The following COL6A2 variants were observed in gnomAD, a reference collection of about 807,000 sequenced individuals.
COL6A2 encodes the protein collagen type VI alpha 2 chain.
A neutral mutation model predicts 124.9 loss-of-function variants in COL6A2; 90 were observed. The observed-to-expected ratio is 0.72, with a 90% CI of 0.61 to 0.86. The LOEUF (loss-of-function observed/expected upper bound fraction) is 0.86. Among genes scored for constraint, COL6A2 ranks in the 40% least tolerant of loss-of-function variants. The pLI is 0.00. For missense variants in COL6A2, 1,607 were observed against 1,502.5 expected, an observed-to-expected ratio of 1.07 and a Z score of -1.15; for synonymous variants, 793 against 618.2, an observed-to-expected ratio of 1.28 and a Z score of -4.19.
At chr21:46,126,649 C>T (rs182259491) in intron 27 of COL6A2, 108 bp downstream of exon 27, 97 of 1,345,572 alleles carry the variant, frequency 7.2e-5, no homozygotes, top group South Asian at 3.6e-4. Flanking sequence ...ACCCGGGGGG[C>T]GGCGGAGCCA....
chr21:46,111,525 G>C lies in COL6A2; in HGVS notation c.49G>C (p.Ala17Pro). ...SVLLLWGILG[A>P]IQAQQQEVIS... is the part of the protein sequence containing the mutation. ...GCTCCTGCTCTGGGGAATCCTGGGG[G>C]CCATCCAGGCCCAGCAGCAGGAGGT... Residue 17 changes from alanine (A) to proline (P), a missense_variant, in exon 2 of 28, where the codon GCC (alanine) becomes CCC (proline). Transcript: ENST00000300527. The C allele has an allele frequency of 6.2e-7, 1 of 1,613,028 alleles. No individual in the cohort carries two copies. Among genetic ancestry groups the C allele is most frequent in the Non-Finnish European group, 8.5e-7 (1 of 1,179,946 alleles).
chr21:46,125,499 C>T lies in COL6A2; in HGVS notation c.1851C>T (p.Val617=). ...AGCGCTGTGGCGCCCTGGACGTGGT[C>T]TTCGTCATCGACAGCTCCGAGAGCA... ...CEKRCGALDV[V]FVIDSSESIG... The change falls in exon 25 of 28, where the codon GTC becomes GTT. Residue 617 remains valine, a synonymous_variant. Transcript: ENST00000300527. 1.9e-6 allele frequency: 3 copies of T among 1,612,964 alleles called. No individual in the cohort carries two copies. The highest frequency in any genetic ancestry group is 2.5e-6 in the Non-Finnish European group (3 of 1,179,968).
intron 4 of COL6A2, 81 bp from the exon 5 acceptor site, chr21:46,113,927 G>A: frequency 8.4e-7 from 1 of 1,184,240 alleles, no homozygotes; most frequent in Non-Finnish European, 1.3e-6. Flanking sequence ...AGAGTCGTGG[G>A]CTACACGTTC....
intron 1 of COL6A2, among the ~76,000 whole-genome samples, chr21:46,109,595 C>A (rs1394785043): frequency 6.6e-6 from 1 of 152,028 alleles, no homozygotes; most frequent in African/African-American, 2.4e-5. Flanking sequence ...ACCCTCAGCA[C>A]CCCCCCAAGC....
rs369396198 is a variant in COL6A2, at chr21:46,132,121, G to C, written c.2629G>C (p.Val877Leu). The C allele has an allele frequency of 7.6e-6, 12 of 1,581,824 alleles. No individual in the cohort carries two copies. Among genetic ancestry groups the C allele is most frequent in the Non-Finnish European group, 8.6e-6 (10 of 1,166,656 alleles). ...GGACGACGACCCTCTCAACGCACGC[G>C]TGGCGCTGCTGCAGTTTGGTGGCCC... ...RRDDDPLNAR[V>L]ALLQFGGPGE... The change falls in exon 28 of 28, where the codon GTG becomes CTG. Residue 877 changes from valine to leucine, a missense_variant. Physicochemically the swap from Val to Leu is conservative, Grantham distance 32. Transcript: ENST00000300527.
In COL6A2 at chr21:46,124,902, T is replaced by C. The variant is rs1422175519; in HGVS notation, c.1752T>C (p.Pro584=). The change falls in exon 23 of 28, where the codon CCT becomes CCC. Residue 584 remains proline (P), a synonymous_variant. Coordinates refer to ENST00000300527, the MANE Select transcript of COL6A2 (RefSeq NM_001849.4). ...VPGPEGEPGP[P]GDPGLTECDV... is the part of the protein sequence containing the mutation. ...TTCCCCAGGGTGAGCCCGGCCCCCC[T>C]GGAGACCCCGGTCTCACGGTAGGTG... 1.9e-6 allele frequency: 3 copies of C among 1,612,770 alleles called. No homozygotes were observed. Among genetic ancestry groups the C allele is most frequent in the East Asian group, 2.2e-5 (1 of 44,880 alleles).
At chr21:46,125,134 AC>A (rs2078640533) in intron 23 of COL6A2, 131 bp from the exon 24 acceptor site, 1 of 1,054,888 alleles carries the variant, frequency 9.5e-7, no homozygotes, top group African/African-American at 1.6e-5. Context: ...TAGGGACAGG[AC>A]CCGCCAGCCT....
Position 46,132,655 on chromosome 21 carries a change from G to T in COL6A2, c.*103G>T. The T allele has an allele frequency of 2.5e-6, 3 of 1,195,474 alleles. No individual in the cohort carries two copies. Among genetic ancestry groups the T allele is most frequent in the Non-Finnish European group, 3.6e-6 (3 of 839,482 alleles). The allele number at this position is 1,195,474 out of a possible 1,614,324, so 74.1% of individuals were successfully genotyped here. A position where few individuals can be genotyped will look rare whatever the true frequency, so the allele number is the denominator to read the frequency against. ...GGCCAGCACCGCTGCTCACTCGGAC[G>T]ACGCCCTGGGCCTGCACCTCTCCAG... On this transcript the variant is annotated 3_prime_UTR_variant, in exon 28 of 28. Coordinates refer to ENST00000300527, the MANE Select transcript of COL6A2 (RefSeq NM_001849.4).
rs2094767913 is a variant in COL6A2, at chr21:46,116,643, C to T, written c.928-8C>T. On this transcript the variant is annotated splice_polypyrimidine_tract_variant and splice_region_variant and intron_variant, in intron 8 of 27. Coordinates refer to ENST00000300527, the MANE Select transcript of COL6A2 (RefSeq NM_001849.4). The surrounding 1 kb of genome is among the most constrained non-coding windows in gnomAD (Gnocchi z 4.6). ...CGAGCTCACTGCGCCGGCTTTCCTC[C>T]TACACAGGGTGAATTTGGAGCCGAC... 1.9e-6 allele frequency: 3 copies of T among 1,613,036 alleles called. No homozygotes were observed. Among genetic ancestry groups the T allele is most frequent in the South Asian group, 1.1e-5 (1 of 91,088 alleles).
intron 1 of COL6A2, 134 bp from the exon 2 acceptor site, chr21:46,111,316 G>T (rs112826338): frequency 1.6e-6 from 1 of 613,714 alleles, no homozygotes; most frequent in African/African-American, 1.8e-5. Context: ...TGTGCTGGGC[G>T]CAGACCCCGC....
At chr21:46,100,296 C>T (rs899050971) in intron 1 of COL6A2, among the ~76,000 whole-genome samples, 1 of 151,754 alleles carries the variant, frequency 6.6e-6, no homozygotes, top group Non-Finnish European at 1.5e-5. Flanking sequence ...CACTATGTTG[C>T]CCAGGCCATG....
chr21:46,130,362 C>T (rs183389132), intron 27 of COL6A2, among the ~76,000 whole-genome samples: 1 of 152,170 alleles, frequency 6.6e-6, no homozygotes, highest in Admixed American at 6.5e-5. Context: ...GATCACCATC[C>T]AAAGGGAGCG....
In COL6A2 at chr21:46,117,864, C is replaced by T. The variant is rs1456017785; in HGVS notation, c.1054-10C>T. The T allele has an allele frequency of 6.2e-6, 10 of 1,608,830 alleles. No homozygotes were observed. The highest frequency in any genetic ancestry group is 3.4e-5 in the Admixed American group (2 of 59,466). ...CGTGTGCCGAGCTCCACCTCTCACT[C>T]CTCTCTCAGGGCCCCGACGGTTACC... On this transcript the variant is annotated splice_polypyrimidine_tract_variant and intron_variant, in intron 11 of 27. Transcript: ENST00000300527.
chr21:46,126,348 T>G, intron 26 of COL6A2, 111 bp downstream of exon 26: 1 of 1,513,306 alleles, frequency 6.6e-7, no homozygotes, highest in South Asian at 1.1e-5. Flanking sequence ...CAGCCCAGGA[T>G]CTTGGGCTGT....
In COL6A2 at chr21:46,132,720, G is replaced by A. The variant is rs1196362847; in HGVS notation, c.*168G>A. 1 of 688,618 alleles carries A rather than the reference G, an allele frequency of 1.5e-6. No homozygotes were observed. The highest frequency in any genetic ancestry group is 2.4e-6 in the Non-Finnish European group (1 of 412,064). The allele number at this position is 688,618 out of a possible 1,614,324, so 42.7% of individuals were successfully genotyped here. A position where few individuals can be genotyped will look rare whatever the true frequency, so the allele number is the denominator to read the frequency against. On this transcript the variant is annotated 3_prime_UTR_variant, in exon 28 of 28. Transcript: ENST00000300527. ...TCCCCGTAGCCCCGGCCCCCGCCCA[G>A]CCCCAGGTCTCCCCAGGCCCTCCGC...
intron 27 of COL6A2, among the ~76,000 whole-genome samples, chr21:46,131,431 T>G (rs888757848): frequency 6.6e-6 from 1 of 152,144 alleles, no homozygotes; most frequent in Non-Finnish European, 1.5e-5. Context: ...CTCCCCACCA[T>G]GGCCAATCAG....
intron 13 of COL6A2, 22 bp from the exon 14 acceptor site, chr21:46,119,006 CTG>C (rs1391417617): frequency 1.3e-6 from 2 of 1,556,204 alleles, no homozygotes; most frequent in Non-Finnish European, 1.8e-6. Flanking sequence ...CTCTGGGTGA[CTG>C]TGCTGTCCTC....
At chr21:46,108,106 A>T (rs9979634) in intron 1 of COL6A2, among the ~76,000 whole-genome samples, 2,756 of 106,020 alleles carry the variant, frequency 0.026, 31 homozygotes, top group Middle Eastern at 0.042. Context: ...ATATATATAT[A>T]TTTTTTTTTC....
At chr21:46,121,763 A>AGGGGATGCCTCCGGGGTC (rs2078570361) in intron 18 of COL6A2, 145 bp downstream of exon 18, 4 of 814,924 alleles carry the variant, frequency 4.9e-6, no homozygotes, top group Non-Finnish European at 8.1e-6. Context: ...CTCTGGAGTG[A>AGGGGATGCCTCCGGGGTC]GGGGATGCCT....
Sources: allele counts gnomAD v4.1 joint callset (sites outside exome capture counted in the v4.1 genomes callset), GRCh38; gene constraint gnomAD v4.1.1; non-coding constraint Gnocchi (gnomAD v3.1); transcripts MANE v1.5; gene names NCBI Gene and HGNC (gene_info 2026-07-23, HGNC 2026-07-21).